CYFIP2: variants seen among roughly 807,000 people sequenced by gnomAD.
The protein encoded by CYFIP2 is cytoplasmic FMR1-interacting protein 2.
In CYFIP2, 29 loss-of-function variants were observed where a neutral mutation model predicts 158.7. That is an observed-to-expected ratio of 0.18 (90% CI 0.14 to 0.25). The LOEUF (loss-of-function observed/expected upper bound fraction) is 0.25. Among genes scored for constraint, CYFIP2 ranks in the 10% least tolerant of loss-of-function variants. The pLI is 1.00. For missense variants in CYFIP2, 852 were observed against 1,639.5 expected, an observed-to-expected ratio of 0.52 and a Z score of 8.29; for synonymous variants, 585 against 617.6, an observed-to-expected ratio of 0.95 and a Z score of 0.78.
rs902783621 is a variant in CYFIP2, at chr5:157,320,787, G to T, written c.1656G>T (p.Gly552=). 2 of 1,598,642 alleles carry T rather than the reference G, an allele frequency of 1.3e-6. No homozygotes were observed. The highest frequency in any genetic ancestry group is 1.7e-6 in the Non-Finnish European group (2 of 1,172,620). Reference sequence around the variant, plus strand: ...TCAAGGTGCCCCGGCGTGCTGTGGGGCCATCCAGCACACAGGTAAGCGGCT... The same window carrying T: ...TCAAGGTGCCCCGGCGTGCTGTGGGTCCATCCAGCACACAGGTAAGCGGCT... ...FDIKVPRRAV[G]PSSTQLYMVR... The change falls in exon 15 of 31, where the codon GGG becomes GGT. Residue 552 remains glycine, a synonymous_variant. Transcript: ENST00000620254.
chr5:157,369,719 A>G (rs1764784464), intron 26 of CYFIP2, among the ~76,000 whole-genome samples: 2 of 152,152 alleles, frequency 1.3e-5, no homozygotes, highest in Non-Finnish European at 2.9e-5. Context: ...GCTACTGAGT[A>G]TTATTCTACA....
Position 157,390,527 on chromosome 5 carries a change from T to C in CYFIP2, c.3453T>C (p.Cys1151=), listed in dbSNP as rs1357954639. 4.1e-5 allele frequency: 64 copies of C among 1,547,578 alleles called. No homozygotes were observed. Among genetic ancestry groups the C allele is most frequent in the Non-Finnish European group, 5.6e-5 (64 of 1,145,318 alleles). ...TTCCTCCCCCTGCTCCCAGGCAGTG[T>C]TTCGGCGATGGCTTGAACTGGGCTG... is the stretch of plus-strand genomic sequence containing the variant. ...VGTNEFTAEQ[C]FGDGLNWAGC... is the part of the protein sequence containing the mutation. Residue 1151 remains cysteine, a synonymous_variant, in exon 30 of 31, where the codon TGT becomes TGC. Transcript: ENST00000620254.
At chr5:157,376,999 C>T (rs1663962845) in intron 26 of CYFIP2, 1 of 413,626 alleles carries the variant, frequency 2.4e-6, no homozygotes, top group Admixed American at 2.5e-5. Context: ...CATACAGGTG[C>T]CCTGGGCAGG....
Position 157,394,699 on chromosome 5 carries a change from G to C in CYFIP2, c.*1699G>C, listed in dbSNP as rs1229890674. On this transcript the variant is annotated 3_prime_UTR_variant, in exon 31 of 31. Transcript: ENST00000620254. The stretch of plus-strand genomic sequence containing the variant: ...GTAAGGGAATCATTCTGGTCACCTT[G>C]AGCTTTGAGCTACCACTAAGCCATG... 6.6e-6 allele frequency: 1 copy of C among 152,196 alleles called. No homozygotes were observed. The highest frequency in any genetic ancestry group is 1.5e-5 in the Non-Finnish European group (1 of 68,056). The allele number at this position is 152,196 out of a possible 1,614,324, so 9.4% of individuals were successfully genotyped here.
At position 157,307,764 on chromosome 5, in the gene CYFIP2, A is replaced by G; in HGVS notation, c.799A>G (p.Met267Val). 1 of 1,600,416 alleles carries G rather than the reference A, an allele frequency of 6.2e-7. No individual in the cohort carries two copies. Among genetic ancestry groups the G allele is most frequent in the Non-Finnish European group, 8.5e-7 (1 of 1,169,618 alleles). The change falls in exon 9 of 31, where the codon ATG becomes GTG. Residue 267 changes from methionine to valine, a missense_variant. Transcript: ENST00000620254. ...CTCTGCCCTCTTCTCATTCTAGGTGATGGGCTTTGGCCTCTACCTAATGGA... is the reference window on the plus strand; with the variant it reads ...CTCTGCCCTCTTCTCATTCTAGGTGGTGGGCTTTGGCCTCTACCTAATGGA... ...PSEKHMLLKV[M>V]GFGLYLMDGN... is the part of the protein sequence containing the mutation.
chr5:157,384,356 A>G (rs1162947622), intron 28 of CYFIP2: 1 of 456,720 alleles, frequency 2.2e-6, no homozygotes, highest in East Asian at 6.9e-5. Context: ...GAATTCTAGA[A>G]GAGAAACAGG....
In CYFIP2 at chr5:157,285,467, A is replaced by G. The variant is rs1186118351; in HGVS notation, c.106A>G (p.Ile36Val). Residue 36 changes from isoleucine to valine, a missense_variant, in exon 2 of 31, where the codon ATC (isoleucine) becomes GTC (valine). This residue lies in a region of CYFIP2 where 123 missense variants were observed against 316.7 expected (regional missense o/e 0.39). Transcript: ENST00000620254. ...QPCIEPPPSS[I>V]MYQANFDTNF... ...ATGCATCGAGCCTCCACCTTCCTCC[A>G]TCATGTACCAGGTAATGGAAATGGT... is the stretch of plus-strand genomic sequence containing the variant. 7.0e-6 allele frequency: 11 copies of G among 1,568,410 alleles called. No individual in the cohort carries two copies. Among genetic ancestry groups the G allele is most frequent in the Non-Finnish European group, 8.6e-6 (10 of 1,156,334 alleles).
At chr5:157,341,636 G>C (rs1387813900) in intron 23 of CYFIP2, 2 of 156,686 alleles carry the variant, frequency 1.3e-5, no homozygotes, top group South Asian at 3.7e-4. Context: ...CAAGTAGCAG[G>C]AATGGGGGCA....
chr5:157,318,813 G>A (rs913448851), intron 13 of CYFIP2, among the ~76,000 whole-genome samples: 2 of 152,160 alleles, frequency 1.3e-5, no homozygotes, highest in Non-Finnish European at 1.5e-5. Flanking sequence ...TGAGGTGGAC[G>A]ATCTGCCACA....
intron 1 of CYFIP2, among the ~76,000 whole-genome samples, chr5:157,280,240 A>T (rs57688459): frequency 0.019 from 2,966 of 152,190 alleles, 106 homozygotes; most frequent in African/African-American, 0.069. Flanking sequence ...CTTGTTGCCC[A>T]GGCTGGAGTG....
At chr5:157,388,885 C>T (rs905553989) in intron 28 of CYFIP2, among the ~76,000 whole-genome samples, 4 of 152,220 alleles carry the variant, frequency 2.6e-5, no homozygotes, top group Admixed American at 6.5e-5. Flanking sequence ...AGTAGTACTA[C>T]TAGTAGTATC....
intron 25 of CYFIP2, among the ~76,000 whole-genome samples, chr5:157,360,668 T>C (rs930350794): frequency 1.3e-5 from 2 of 152,174 alleles, no homozygotes; most frequent in African/African-American, 2.4e-5. Flanking sequence ...AGAAAAGGTA[T>C]TTATGAGCTC....
intron 23 of CYFIP2, among the ~76,000 whole-genome samples, chr5:157,350,537 A>G (rs1396079373): frequency 2.0e-5 from 3 of 152,180 alleles, no homozygotes; most frequent in African/African-American, 7.2e-5. Flanking sequence ...GCCTGATAGT[A>G]TAGTTTGAAG....
In CYFIP2 at chr5:157,343,283, T is replaced by C. The variant is rs202138440; in HGVS notation, c.2673+2126T>C. ...GTGGAACATGGTGCAGTAGTGCCTG[T>C]AAGGGAAGGCAGCCTTCTTACAGCT... On this transcript the variant is annotated intron_variant, in intron 23 of 30. Transcript: ENST00000620254. The C allele has an allele frequency of 6.2e-7, 1 of 1,613,942 alleles. No homozygotes were observed. The highest frequency in any genetic ancestry group is 8.5e-7 in the Non-Finnish European group (1 of 1,179,994).
chr5:157,367,963 G>A (rs1764582431), intron 26 of CYFIP2, among the ~76,000 whole-genome samples: 1 of 151,914 alleles, frequency 6.6e-6, no homozygotes, highest in Non-Finnish European at 1.5e-5. Flanking sequence ...TCACCATGTT[G>A]GTCAGGCTGG....
intron 1 of CYFIP2, among the ~76,000 whole-genome samples, chr5:157,281,485 A>G (rs1239117853): frequency 3.9e-5 from 6 of 152,222 alleles, no homozygotes; most frequent in African/African-American, 1.4e-4. Context: ...AATTCTCAAC[A>G]TAAAGGTTGG....
rs538043074 is a variant in CYFIP2, at chr5:157,310,466, G to T, written c.992+632G>T. 2.6e-5 allele frequency among the ~76,000 whole-genome samples: 4 copies of T among 152,326 alleles called. No individual in the cohort carries two copies. The South Asian group carries it at 6.2e-4, about 24-fold the overall frequency. ...CCTTTAGTCAAGGGCGAGTGTGTTGGCATCTTAAGAAGATATGAATGGAGT... is the reference window on the plus strand; with the variant it reads ...CCTTTAGTCAAGGGCGAGTGTGTTGTCATCTTAAGAAGATATGAATGGAGT... On this transcript the variant is annotated intron_variant, in intron 10 of 30. Transcript: ENST00000620254.
intron 21 of CYFIP2, among the ~76,000 whole-genome samples, chr5:157,337,092 A>G (rs1389492243): frequency 1.3e-5 from 2 of 152,188 alleles, no homozygotes; most frequent in Non-Finnish European, 1.5e-5. Flanking sequence ...CAGGGGACTC[A>G]GTGATCTTAG....
chr5:157,301,337 A>G (rs574254119), intron 6 of CYFIP2, among the ~76,000 whole-genome samples: 29 of 152,328 alleles, frequency 1.9e-4, no homozygotes, highest in African/African-American at 6.5e-4. Context: ...TCAGATGACA[A>G]TGTTAGCCTG....
Sources: allele counts gnomAD v4.1 joint callset (sites outside exome capture counted in the v4.1 genomes callset), GRCh38; gene constraint gnomAD v4.1.1; regional missense constraint gnomAD v4.1.1; transcripts MANE v1.5; gene names NCBI Gene and HGNC (gene_info 2026-07-23, HGNC 2026-07-21).